AMZ1: variants seen among roughly 807,000 people sequenced by gnomAD.
The protein encoded by AMZ1 is archaelysin family metallopeptidase 1.
Under a neutral mutation model 29.9 loss-of-function variants are expected in AMZ1, and 39 were observed. The ratio of observed to expected loss-of-function variants is 1.30; its 90% CI spans 1.01 to 1.70. The LOEUF is 1.70. Among genes scored for constraint, AMZ1 ranks in the 40% most tolerant of loss-of-function variants. The pLI is 0.00. For synonymous variants in AMZ1, 458 were observed against 304.0 expected (o/e 1.51, Z -5.27); for missense variants, 1,041 against 680.6 (o/e 1.53, Z -5.89).
chr7:2,693,095 G>GTGTTTGTT (rs200550211), intron 1 of AMZ1, among the ~76,000 whole-genome samples: 3 of 152,140 alleles, frequency 2.0e-5, no homozygotes, highest in Non-Finnish European at 4.4e-5. Context: ...CTGTAGGGGG[G>GTGTTTGTT]TGTTTGTTTG....
At chr7:2,760,971 G>A (rs1343150206), upstream of AMZ1, among the ~76,000 whole-genome samples, 1 of 152,208 alleles carries the variant, frequency 6.6e-6, no homozygotes, top group Middle Eastern at 3.2e-3. Context: ...CAGTCTTGAC[G>A]AAGTTGCTTG....
At chr7:2,696,006 T>TGG (rs561492178) in intron 1 of AMZ1, among the ~76,000 whole-genome samples, 1 of 105,560 alleles carries the variant, frequency 9.5e-6, no homozygotes, top group African/African-American at 3.4e-5. Context: ...GAAACTGTCT[T>TGG]GGGGGGGAAA....
intron 3 of AMZ1, 126 bp from the exon 4 acceptor site, chr7:2,708,462 C>G: frequency 2.1e-6 from 3 of 1,436,850 alleles, no homozygotes; most frequent in Non-Finnish European, 2.8e-6. Flanking sequence ...CGCTGGTGGC[C>G]CACACCTGAC....
intron 1 of AMZ1, among the ~76,000 whole-genome samples, chr7:2,696,394 C>A (rs1362384312): frequency 6.6e-6 from 1 of 150,378 alleles, no homozygotes; most frequent in Non-Finnish European, 1.5e-5. Context: ...GTAGCTGGGA[C>A]TACAGGCGCC....
chr7:2,726,031 G>A (rs1022814797), intron 4 of AMZ1, among the ~76,000 whole-genome samples: 8 of 152,208 alleles, frequency 5.3e-5, no homozygotes, highest in Admixed American at 2.6e-4. Flanking sequence ...GGGCTGCTGT[G>A]CAAATTAAGC....
At position 2,750,098 on chromosome 7, in the gene AMZ1, A is replaced by G. The variant is rs368558784; in HGVS notation, n.551-14614A>G. The stretch of plus-strand genomic sequence containing the variant: ...TGAAGAAACTCATAGCAAGGATGCT[A>G]TACCACACACTTCTGAATAATCCAC... On this transcript the variant is annotated intron_variant and non_coding_transcript_variant, in intron 4 of 4. Coordinates refer to the AMZ1 transcript ENST00000489665. Among the ~76,000 whole-genome samples, 29 of 152,362 alleles carry G rather than the reference A, an allele frequency of 1.9e-4. No homozygotes were observed. The East Asian group carries it at 2.7e-3, about 14-fold the overall frequency.
At chr7:2,760,767 G>C (rs1028391475), upstream of AMZ1, among the ~76,000 whole-genome samples, 1 of 152,224 alleles carries the variant, frequency 6.6e-6, no homozygotes, top group East Asian at 1.9e-4. Context: ...TCTAGGGACA[G>C]CGTCGAGCTC....
At chr7:2,752,205 A>G (rs1381345572) in intron 4 of AMZ1, among the ~76,000 whole-genome samples, 6 of 152,222 alleles carry the variant, frequency 3.9e-5, no homozygotes, top group East Asian at 1.9e-4. Flanking sequence ...ATAGATGCAG[A>G]AAAAAAGCAT....
At chr7:2,724,729 G>T (rs1405510119) in intron 4 of AMZ1, among the ~76,000 whole-genome samples, 2 of 152,194 alleles carry the variant, frequency 1.3e-5, no homozygotes, top group Non-Finnish European at 2.9e-5. Context: ...AGTTTTGGGT[G>T]GAGCTGTTTC....
At chr7:2,687,399 C>T (rs892751866), upstream of AMZ1, among the ~76,000 whole-genome samples, 3 of 151,982 alleles carry the variant, frequency 2.0e-5, no homozygotes, top group African/African-American at 7.2e-5. Flanking sequence ...TGGGGCGCTG[C>T]TGAGGGCGTG....
At chr7:2,693,154 T>A (rs1458676033) in intron 1 of AMZ1, among the ~76,000 whole-genome samples, 4 of 152,356 alleles carry the variant, frequency 2.6e-5, no homozygotes, top group Non-Finnish European at 5.9e-5. Flanking sequence ...CAGGCCGGAG[T>A]GCAGTGGCGC....
chr7:2,708,408 C>T (rs141993866), intron 3 of AMZ1, among the ~76,000 whole-genome samples, 180 bp from the exon 4 acceptor site: 121 of 152,324 alleles, frequency 7.9e-4, no homozygotes, highest in African/African-American at 2.6e-3. Context: ...CCCTGGCTGT[C>T]ACTCCACATC....
At chr7:2,746,259 C>A (rs1790758364) in intron 4 of AMZ1, among the ~76,000 whole-genome samples, 1 of 152,166 alleles carries the variant, frequency 6.6e-6, no homozygotes, top group Admixed American at 6.6e-5. Flanking sequence ...AAATTGACCA[C>A]TTGATAGTTG....
intron 1 of AMZ1, among the ~76,000 whole-genome samples, chr7:2,690,152 C>A (rs1043644419): frequency 8.5e-5 from 13 of 152,144 alleles, no homozygotes; most frequent in Non-Finnish European, 1.3e-4. Flanking sequence ...TAGCTTGGAG[C>A]CTGTCACACC....
intron 3 of AMZ1, among the ~76,000 whole-genome samples, chr7:2,707,295 A>AC (rs1395057394): frequency 4.0e-5 from 6 of 149,022 alleles, no homozygotes; most frequent in Non-Finnish European, 9.0e-5. Context: ...AAAACAAAAA[A>AC]ACACACACAC....
chr7:2,729,685 G>C (rs1789791319), intron 4 of AMZ1: 1 of 152,386 alleles, frequency 6.6e-6, no homozygotes, highest in Non-Finnish European at 1.5e-5. Context: ...CTCGGGACGA[G>C]GGCCCTGGGA....
intron 3 of AMZ1, among the ~76,000 whole-genome samples, chr7:2,703,121 T>C (rs547416919): frequency 3.9e-5 from 6 of 152,294 alleles, no homozygotes; most frequent in African/African-American, 1.4e-4. Context: ...CGCCAGAGCA[T>C]GCAGAGCAGG....
chr7:2,697,374 G>C (rs561573424), intron 1 of AMZ1, among the ~76,000 whole-genome samples: 35 of 152,284 alleles, frequency 2.3e-4, no homozygotes, highest in Non-Finnish European at 4.9e-4. Context: ...TGGGATTACA[G>C]GCGTGAGCTG....
Position 2,735,159 on chromosome 7 carries a change from G to C in AMZ1, n.550+25343G>C, listed in dbSNP as rs552359818. Among the ~76,000 whole-genome samples the C allele has an allele frequency of 4.3e-3, 654 of 152,264 alleles. 6 individuals are homozygous for C. The highest frequency in any genetic ancestry group is 0.015 in the African/African-American group (622 of 41,538). On this transcript the variant is annotated intron_variant and non_coding_transcript_variant, in intron 4 of 4. Coordinates refer to the AMZ1 transcript ENST00000489665. ...TCCTTCCTCAGCGCCTCTCTCTCCT[G>C]CCTCCTCCTGCTCTCCTGCCCTCCC...
Sources: allele counts gnomAD v4.1 joint callset (sites outside exome capture counted in the v4.1 genomes callset), GRCh38; gene constraint gnomAD v4.1.1; transcripts MANE v1.5; gene names NCBI Gene and HGNC (gene_info 2026-07-23, HGNC 2026-07-21).